COL23A1: variants seen among roughly 807,000 people sequenced by gnomAD.
The protein encoded by COL23A1 is collagen alpha-1(XXIII) chain.
COL23A1 carries 97 observed loss-of-function variants against 99.3 expected under a neutral mutation model. The ratio of observed to expected loss-of-function variants is 0.98; its 90% confidence interval spans 0.83 to 1.16. The LOEUF is 1.16. Among genes scored for constraint, COL23A1 ranks in the 50% most tolerant of loss-of-function variants. COL23A1 has a pLI of 0.00. For missense variants in COL23A1, 762 were observed against 757.4 expected (o/e 1.01, Z -0.07); for synonymous variants, 320 against 308.2 (o/e 1.04, Z -0.40).
intron 2 of COL23A1, among the ~76,000 whole-genome samples, chr5:178,406,373 T>C (rs1196882277): frequency 2.6e-5 from 4 of 152,058 alleles, no homozygotes; most frequent in South Asian, 2.1e-4. Flanking sequence ...AAGATGCTCA[T>C]GTTCCTTATA....
chr5:178,260,124 G>C (rs1338790417), intron 11 of COL23A1, among the ~76,000 whole-genome samples: 3 of 152,320 alleles, frequency 2.0e-5, no homozygotes, highest in African/African-American at 7.2e-5. Context: ...CCTCCCCAAA[G>C]AGGGCGAAAA....
At chr5:178,363,444 TTCAG>T (rs1762283443) in intron 2 of COL23A1, among the ~76,000 whole-genome samples, 1 of 152,320 alleles carries the variant, frequency 6.6e-6, no homozygotes, top group South Asian at 2.1e-4. Context: ...CCTTCATTCA[TTCAG>T]TATCTATTGA....
intron 2 of COL23A1, among the ~76,000 whole-genome samples, chr5:178,465,973 G>A (rs1756398508): frequency 6.6e-6 from 1 of 152,164 alleles, no homozygotes; most frequent in Non-Finnish European, 1.5e-5. Flanking sequence ...CTCGGGGTGA[G>A]TGCACCTCAA....
chr5:178,521,899 G>GTT (rs1759967616), intron 2 of COL23A1, among the ~76,000 whole-genome samples: 1 of 152,210 alleles, frequency 6.6e-6, no homozygotes, highest in Non-Finnish European at 1.5e-5. Flanking sequence ...TCTGTTTGGA[G>GTT]TTATGGAAAA....
intron 2 of COL23A1, among the ~76,000 whole-genome samples, chr5:178,357,808 ATG>A (rs759068915): frequency 3.9e-5 from 5 of 127,810 alleles, no homozygotes; most frequent in African/African-American, 9.1e-5. Flanking sequence ...GTGTGTGTGT[ATG>A]TGTGTATGTG....
intron 2 of COL23A1, among the ~76,000 whole-genome samples, chr5:178,520,128 A>T (rs1486933232): frequency 6.6e-6 from 1 of 152,028 alleles, no homozygotes; most frequent in Non-Finnish European, 1.5e-5. Flanking sequence ...GGATGGATGG[A>T]TGCATCTGAA....
intron 4 of COL23A1, 127 bp from the exon 5 acceptor site, chr5:178,288,477 C>T (rs1390692074): frequency 9.8e-6 from 8 of 817,138 alleles, no homozygotes; most frequent in East Asian, 2.4e-5. Flanking sequence ...TCCTCTGCAG[C>T]GGGAGGACTC....
intron 2 of COL23A1, among the ~76,000 whole-genome samples, chr5:178,380,842 G>A (rs1267967273): frequency 6.6e-6 from 1 of 152,204 alleles, no homozygotes; most frequent in Non-Finnish European, 1.5e-5. Flanking sequence ...TTTCTGCCAG[G>A]ACAGCCTTCC....
intron 3 of COL23A1, among the ~76,000 whole-genome samples, chr5:178,303,967 C>T (rs1354386998): frequency 6.6e-6 from 1 of 152,192 alleles, no homozygotes; most frequent in African/African-American, 2.4e-5. Flanking sequence ...TCCTCCAAAG[C>T]CCTTAGAAAG....
intron 1 of COL23A1, chr5:178,561,984 A>G (rs951093539): frequency 1.2e-5 from 5 of 430,756 alleles, no homozygotes; most frequent in African/African-American, 8.1e-5. Context: ...GGGCAACAAG[A>G]GGCGCAGAGA....
At chr5:178,286,772 C>T (rs1757176177) in intron 5 of COL23A1, among the ~76,000 whole-genome samples, 1 of 152,176 alleles carries the variant, frequency 6.6e-6, no homozygotes, top group Non-Finnish European at 1.5e-5. Flanking sequence ...TGAGAACAAG[C>T]CCCCTGCCCC....
At chr5:178,435,474 G>A (rs903065288) in intron 2 of COL23A1, among the ~76,000 whole-genome samples, 6 of 152,222 alleles carry the variant, frequency 3.9e-5, no homozygotes, top group African/African-American at 1.4e-4. Flanking sequence ...AGGCAGCCCA[G>A]CCCTGGGGTG....
chr5:178,450,467 G>C (rs1221551620), intron 2 of COL23A1, among the ~76,000 whole-genome samples: 1 of 152,160 alleles, frequency 6.6e-6, no homozygotes, highest in Non-Finnish European at 1.5e-5. Context: ...GCCAGCGGGG[G>C]CCAGGAGAGG....
At position 178,384,976 on chromosome 5, in the gene COL23A1, T is replaced by A. The variant is rs1399609144; in HGVS notation, c.362-78057A>T. The stretch of plus-strand genomic sequence containing the variant: ...GCCTGCCCCATCCAAGCCACCACAC[T>A]GGGCTGCCCAGCCCACTCCACGCCG... On this transcript the variant is annotated intron_variant, in intron 2 of 28. Transcript: ENST00000390654. This position sits in a 1 kb window ranked among gnomAD's most constrained non-coding sequence, Gnocchi z 5.5. Among the ~76,000 whole-genome samples, 1 of 152,172 alleles carries A rather than the reference T, an allele frequency of 6.6e-6. No homozygotes were observed. The highest frequency in any genetic ancestry group is 1.5e-5 in the Non-Finnish European group (1 of 68,012).
At chr5:178,533,431 T>C (rs4976788) in intron 2 of COL23A1, among the ~76,000 whole-genome samples, 64,655 of 152,084 alleles carry the variant, frequency 0.43, 14,433 homozygotes, top group Non-Finnish European at 0.51. Context: ...CTACAGTGTG[T>C]GTCTTTGCGA....
At chr5:178,294,655 G>T (rs1757649004) in intron 3 of COL23A1, among the ~76,000 whole-genome samples, 1 of 152,182 alleles carries the variant, frequency 6.6e-6, no homozygotes, top group Non-Finnish European at 1.5e-5. Context: ...ATTCCAAAAG[G>T]ATCAATGATT....
rs554033263 is a variant in COL23A1, at chr5:178,585,367, G to A, written c.294+4537C>T. On this transcript the variant is annotated intron_variant, in intron 1 of 28. Transcript: ENST00000390654. The stretch of plus-strand genomic sequence containing the variant: ...GCTCAGGTAACACTCTATGGCCCCA[G>A]CTGACTCTAGGGTAACACTCCGCGG... Among the ~76,000 whole-genome samples, 192 of 150,930 alleles carry A rather than the reference G, an allele frequency of 1.3e-3. 1 individual carries two copies. Among genetic ancestry groups the A allele is most frequent in the Admixed American group, 2.9e-3 (43 of 15,076 alleles).
At chr5:178,270,397 C>A in intron 5 of COL23A1, 34 bp from the exon 6 acceptor site, 1 of 1,612,960 alleles carries the variant, frequency 6.2e-7, no homozygotes, top group Non-Finnish European at 8.5e-7. Context: ...ACAGGTTACA[C>A]ACGGGGATGA....
chr5:178,470,849 G>A (rs1310108126), intron 2 of COL23A1, among the ~76,000 whole-genome samples: 1 of 152,222 alleles, frequency 6.6e-6, no homozygotes, highest in East Asian at 1.9e-4. Flanking sequence ...TGAGAGCTGC[G>A]CTGGAGAAGC....
Sources: allele counts gnomAD v4.1 joint callset (sites outside exome capture counted in the v4.1 genomes callset), GRCh38; gene constraint gnomAD v4.1.1; non-coding constraint Gnocchi (gnomAD v3.1); transcripts MANE v1.5; gene names NCBI Gene and HGNC (gene_info 2026-07-23, HGNC 2026-07-21).